Variants in PACSIN2 observed in about 807,000 individuals in gnomAD.
PACSIN2 encodes protein kinase C and casein kinase substrate in neurons protein 2.
A neutral mutation model predicts 63.8 loss-of-function variants in PACSIN2; 25 were observed. The ratio of observed to expected loss-of-function variants is 0.39; its 90% confidence interval spans 0.29 to 0.55. The LOEUF is 0.55. Ranked by LOEUF, PACSIN2 falls within the 20% of genes least tolerant of loss-of-function variation. The pLI is 0.62. For synonymous variants in PACSIN2, 255 were observed against 256.2 expected, an observed-to-expected ratio of 1.00 and a Z score of 0.05; for missense variants, 518 against 646.9, an observed-to-expected ratio of 0.80 and a Z score of 2.16.
In PACSIN2 at chr22:42,888,704, T is replaced by C. The variant is rs1400802271; in HGVS notation, c.548A>G (p.Asn183Ser). The C allele has an allele frequency of 1.2e-6, 2 of 1,614,090 alleles. No individual in the cohort carries two copies. Reference sequence around the variant, plus strand: ...TTGCAATTTCTTGAGCTGTTCAGGGTTGAGGGATGGGTCTGCCTTGCTGTT... The same window carrying C: ...TTGCAATTTCTTGAGCTGTTCAGGGCTGAGGGATGGGTCTGCCTTGCTGTT... ...EANSKADPSLNPEQLKKLQDK... is the reference protein window; with the variant it reads ...EANSKADPSLSPEQLKKLQDK... Residue 183 changes from asparagine (N) to serine (S), a missense_variant, in exon 5 of 11, where the codon AAC (asparagine) becomes AGC (serine). Asn to Ser is a conservative substitution (Grantham distance 46). This residue lies in a region of PACSIN2 where 507 missense variants were observed against 612.3 expected (regional missense o/e 0.83). Transcript: ENST00000263246.
chr22:42,913,679 T>C (rs1367050153), intron 1 of PACSIN2, among the ~76,000 whole-genome samples: 1 of 152,180 alleles, frequency 6.6e-6, no homozygotes, highest in East Asian at 1.9e-4. Flanking sequence ...CTATTATTAT[T>C]GCATAGTAAT....
At chr22:42,931,594 C>T (rs1207021925) in intron 1 of PACSIN2, among the ~76,000 whole-genome samples, 2 of 152,128 alleles carry the variant, frequency 1.3e-5, no homozygotes, top group Non-Finnish European at 2.9e-5. Context: ...ACAGGAACAG[C>T]GAGGAAGGAA....
intron 1 of PACSIN2, among the ~76,000 whole-genome samples, chr22:42,929,553 G>C (rs1234121494): frequency 6.6e-6 from 1 of 151,972 alleles, no homozygotes. Context: ...GCAAAAGAAT[G>C]AGTATCTCAG....
At chr22:42,874,222 G>A (rs548702639) in intron 10 of PACSIN2, among the ~76,000 whole-genome samples, 1 of 151,866 alleles carries the variant, frequency 6.6e-6, no homozygotes, top group East Asian at 1.9e-4. Flanking sequence ...GCTGAGGTGG[G>A]AGGACTGCTT....
chr22:42,983,407 T>C (rs746738930), intron 1 of PACSIN2, among the ~76,000 whole-genome samples: 1 of 143,668 alleles, frequency 7.0e-6, no homozygotes, highest in Non-Finnish European at 1.5e-5. Flanking sequence ...GGAGGATCAC[T>C]TGAACCCAGA....
chr22:42,933,276 T>G (rs1932820132), intron 1 of PACSIN2, among the ~76,000 whole-genome samples: 1 of 152,228 alleles, frequency 6.6e-6, no homozygotes, highest in Non-Finnish European at 1.5e-5. Context: ...GAAATATATA[T>G]TTCTCAAAGC....
chr22:42,917,817 A>C (rs917282864), intron 1 of PACSIN2, among the ~76,000 whole-genome samples: 6 of 151,616 alleles, frequency 4.0e-5, no homozygotes, highest in African/African-American at 1.5e-4. Flanking sequence ...TAGAGATGGG[A>C]TCTCACTATG....
chr22:42,935,793 T>G (rs908669542), intron 1 of PACSIN2, among the ~76,000 whole-genome samples: 2 of 152,070 alleles, frequency 1.3e-5, no homozygotes, highest in Non-Finnish European at 2.9e-5. Context: ...GCATGAGACC[T>G]GGAGAGCTCA....
chr22:42,893,353 T>A (rs1041198043), intron 3 of PACSIN2, 104 bp downstream of exon 3: 1 of 1,255,412 alleles, frequency 8.0e-7, no homozygotes, highest in Non-Finnish European at 1.1e-6. Flanking sequence ...TGCCCCAATC[T>A]TAAAAGACAG....
At chr22:42,894,595 G>C (rs1930148664) in intron 2 of PACSIN2, among the ~76,000 whole-genome samples, 1 of 152,238 alleles carries the variant, frequency 6.6e-6, no homozygotes, top group Non-Finnish European at 1.5e-5. Flanking sequence ...GCAAAGCTTT[G>C]TCAGGGCTAA....
intron 1 of PACSIN2, among the ~76,000 whole-genome samples, chr22:42,935,534 C>T (rs118112833): frequency 0.013 from 1,972 of 152,240 alleles, 28 homozygotes; most frequent in Non-Finnish European, 0.019. Flanking sequence ...AGTAACTGTA[C>T]TTAGGCAACA....
chr22:42,985,551 T>C (rs1922546050), intron 1 of PACSIN2, among the ~76,000 whole-genome samples: 2 of 152,202 alleles, frequency 1.3e-5, no homozygotes, highest in Non-Finnish European at 2.9e-5. Context: ...CTGAAGACAC[T>C]GCCTCCAGCC....
rs184646424 is a variant in PACSIN2, at chr22:42,885,770, C to T, written c.610-1209G>A. On this transcript the variant is annotated intron_variant, in intron 5 of 10. Transcript: ENST00000263246. The stretch of plus-strand genomic sequence containing the variant: ...TGCCCCTTTCTCCTCTCCTGGTATC[C>T]GGGTCCTTGCTCTGCTTCTCAGCCT... Among the ~76,000 whole-genome samples, 84 of 152,158 alleles carry T rather than the reference C, an allele frequency of 5.5e-4. 1 individual carries two copies. The highest frequency in any genetic ancestry group is 5.3e-3 in the Admixed American group (81 of 15,278).
At chr22:43,011,808 TC>T (rs1924505399) in intron 1 of PACSIN2, among the ~76,000 whole-genome samples, 1 of 151,264 alleles carries the variant, frequency 6.6e-6, no homozygotes, top group African/African-American at 2.4e-5. Flanking sequence ...GGTCAGGAGT[TC>T]CAGATCAGCC....
Position 42,871,940 on chromosome 22 carries a change from G to GA in PACSIN2, c.1349-472_1349-471insT, listed in dbSNP as rs1928175994. Among the ~76,000 whole-genome samples the GA allele has an allele frequency of 6.6e-6, 1 of 152,178 alleles. No individual in the cohort carries two copies. On this transcript the variant is annotated intron_variant, in intron 10 of 10. Transcript: ENST00000263246. The surrounding 1 kb of genome is among the most constrained non-coding windows in gnomAD (Gnocchi z 5.4). Reference sequence around the variant, plus strand: ...CCTCTGCAACTTCCAGGCTGCGAGGGGAAGGGACCATGTCTGACAGTCATA... The same window carrying GA: ...CCTCTGCAACTTCCAGGCTGCGAGGGAGAAGGGACCATGTCTGACAGTCATA...
chr22:43,010,398 A>ATATATATT lies in PACSIN2; in HGVS notation c.-78+4622_-78+4623insAATATATA. On this transcript the variant is annotated intron_variant, in intron 1 of 10. Coordinates refer to ENST00000263246, the MANE Select transcript of PACSIN2 (RefSeq NM_001184970.3). ...TGTTTAAAAATACATATATATATAT[A>ATATATATT]TTTTTTTTTAATTGAAAATAAAAAA... 9.2e-3 allele frequency among the ~76,000 whole-genome samples: 1,166 copies of ATATATATT among 126,398 alleles called. 30 individuals are homozygous for ATATATATT. The highest frequency in any genetic ancestry group is 0.028 in the Middle Eastern group (7 of 248). 82.9% of individuals were successfully genotyped at this position (126,398 alleles called of 152,430 possible). A position where few individuals can be genotyped will look rare whatever the true frequency, so the allele number is the denominator to read the frequency against.
intron 1 of PACSIN2, among the ~76,000 whole-genome samples, chr22:42,985,493 G>A (rs1478894944): frequency 1.3e-5 from 2 of 152,202 alleles, no homozygotes; most frequent in African/African-American, 4.8e-5. Context: ...CCACATGCAG[G>A]CCCAGGTCTA....
chr22:42,951,477 T>A (rs149727104), intron 1 of PACSIN2, among the ~76,000 whole-genome samples: 1 of 152,170 alleles, frequency 6.6e-6, no homozygotes, highest in Non-Finnish European at 1.5e-5. Context: ...AGATCCGGCA[T>A]GGCCCGAGCT....
At chr22:42,875,306 C>T (rs139579146) in intron 10 of PACSIN2, among the ~76,000 whole-genome samples, 1 of 152,204 alleles carries the variant, frequency 6.6e-6, no homozygotes, top group Admixed American at 6.5e-5. Flanking sequence ...CCACGCCCAG[C>T]TAATCTGCTA....
Sources: gnomAD v4.1 joint callset for allele counts (sites outside exome capture counted in the v4.1 genomes callset) on GRCh38, gnomAD v4.1.1 for gene constraint, gnomAD v4.1.1 regional missense constraint, Gnocchi (gnomAD v3.1) non-coding constraint, MANE v1.5 for transcripts, NCBI Gene and HGNC (gene_info 2026-07-23, HGNC 2026-07-21) for gene names.